Variants in DENND4C observed in about 807,000 individuals in gnomAD.
DENND4C encodes DENN domain containing 4C.
Under a neutral mutation model 203.0 loss-of-function variants are expected in DENND4C, and 108 were observed. The ratio of observed to expected loss-of-function variants is 0.53; its 90% CI spans 0.46 to 0.62. The LOEUF is 0.62. Among genes scored for constraint, DENND4C ranks in the 20% least tolerant of loss-of-function variants. The pLI is 0.00. For synonymous variants in DENND4C, 871 were observed against 792.4 expected, an observed-to-expected ratio of 1.10 and a Z score of -1.67; for missense variants, 2,481 against 2,301.2, an observed-to-expected ratio of 1.08 and a Z score of -1.60.
intron 1 of DENND4C, among the ~76,000 whole-genome samples, chr9:19,260,881 C>A (rs1193151384): frequency 6.6e-6 from 1 of 152,044 alleles, no homozygotes; most frequent in African/African-American, 2.4e-5. Flanking sequence ...TCAAGAAATC[C>A]GGTCTGGATG....
rs1297590006 is a variant in DENND4C at position 19,358,179 on chromosome 9, A to C, written c.5160+19A>C. The C allele has an allele frequency of 6.3e-7, 1 of 1,598,890 alleles. No homozygotes were observed. The highest frequency in any genetic ancestry group is 8.6e-7 in the Non-Finnish European group (1 of 1,167,606). Reference sequence around the variant, plus strand: ...AGTTGTGGTATGTAACAACAACAACATTGTAATTATACTGCATACACACCT... The same window carrying C: ...AGTTGTGGTATGTAACAACAACAACCTTGTAATTATACTGCATACACACCT... On this transcript the variant is annotated intron_variant, in intron 28 of 32. Transcript: ENST00000434457. This position sits in a 1 kb window ranked among gnomAD's most constrained non-coding sequence, Gnocchi z 4.8.
chr9:19,235,882 G>A (rs183337834), intron 1 of DENND4C, among the ~76,000 whole-genome samples: 1 of 151,944 alleles, frequency 6.6e-6, no homozygotes, highest in East Asian at 1.9e-4. Context: ...ACAGGTGTGA[G>A]CCACTGCGCC....
intron 3 of DENND4C, among the ~76,000 whole-genome samples, chr9:19,287,256 G>T (rs931923301): frequency 1.3e-5 from 2 of 152,118 alleles, no homozygotes; most frequent in Non-Finnish European, 2.9e-5. Context: ...TATTGTCTGT[G>T]TTACATTAAC....
intron 31 of DENND4C, 144 bp downstream of exon 31, chr9:19,370,131 T>C (rs1035932837): frequency 6.9e-5 from 67 of 975,320 alleles, no homozygotes; most frequent in Middle Eastern, 2.8e-4. Flanking sequence ...TACACAGATA[T>C]ATACATTCCT....
At chr9:19,323,368 T>TG (rs1843208436) in intron 12 of DENND4C, among the ~76,000 whole-genome samples, 1 of 151,382 alleles carries the variant, frequency 6.6e-6, no homozygotes, top group Non-Finnish European at 1.5e-5. Context: ...AGGCAGAGGT[T>TG]GCAGTGAGCC....
At chr9:19,259,785 G>A (rs1221478584) in intron 1 of DENND4C, among the ~76,000 whole-genome samples, 1 of 152,096 alleles carries the variant, frequency 6.6e-6, no homozygotes, top group Non-Finnish European at 1.5e-5. Context: ...GATTACAGGC[G>A]TCAGCCACCA....
chr9:19,309,805 A>G (rs1840393727), intron 10 of DENND4C, among the ~76,000 whole-genome samples: 5 of 152,020 alleles, frequency 3.3e-5, no homozygotes, highest in South Asian at 4.1e-4. Flanking sequence ...GCTTTGGTGT[A>G]TGTATACATC....
chr9:19,283,613 T>TTC (rs1554718127), intron 2 of DENND4C, among the ~76,000 whole-genome samples: 1 of 143,934 alleles, frequency 6.9e-6, no homozygotes, highest in Non-Finnish European at 1.6e-5. Flanking sequence ...TTTCTTTCTT[T>TTC]TTTTTTTTTT....
intron 22 of DENND4C, among the ~76,000 whole-genome samples, chr9:19,343,734 C>T (rs530863310): frequency 3.3e-4 from 51 of 152,338 alleles, no homozygotes; most frequent in Middle Eastern, 3.4e-3. Context: ...GAGTTTTCTT[C>T]GTCAGAGGCT....
chr9:19,346,063 T>G lies in DENND4C; in HGVS notation c.3294T>G (p.Ser1098=). The G allele has an allele frequency of 6.2e-7, 1 of 1,614,190 alleles. No individual in the cohort carries two copies. The highest frequency in any genetic ancestry group is 8.5e-7 in the Non-Finnish European group (1 of 1,180,034). Residue 1098 remains serine, a synonymous_variant, in exon 23 of 33, where the codon TCT becomes TCG. Coordinates refer to ENST00000434457, the MANE Select transcript of DENND4C (RefSeq NM_001330640.2). Reference sequence around the variant, plus strand: ...CTGAGAGGAGTTGTAGTTTTAGTTCTGAAAGTCGAGCAGGAATGTTGCTTA... The same window carrying G: ...CTGAGAGGAGTTGTAGTTTTAGTTCGGAAAGTCGAGCAGGAATGTTGCTTA... ...HFPERSCSFS[S]ESRAGMLLKK...
Position 19,328,112 on chromosome 9 carries a change from G to A in DENND4C, c.2203G>A (p.Gly735Arg). 6.2e-7 allele frequency: 1 copy of A among 1,613,588 alleles called. No individual in the cohort carries two copies. The highest frequency in any genetic ancestry group is 1.3e-5 in the African/African-American group (1 of 74,988). The change falls in exon 16 of 33, where the codon GGG becomes AGG. Residue 735 changes from glycine (G) to arginine (R), a missense_variant. Physicochemically the swap from Gly to Arg is moderately radical, Grantham distance 125 (BLOSUM62 -2). Transcript: ENST00000434457. ...LKLCFSRHPT[G>R]NSITKSPPLM... ...ACTTTGTTTTAGTAGACACCCTACT[G>A]GGAATAGCATTACAAAGAGTCCACC...
chr9:19,338,898 A>G (rs1821040685), intron 20 of DENND4C, among the ~76,000 whole-genome samples: 1 of 152,188 alleles, frequency 6.6e-6, no homozygotes, highest in Non-Finnish European at 1.5e-5. Context: ...TGCATATGTT[A>G]TTTTATGTGT....
Position 19,290,877 on chromosome 9 carries a change from G to A in DENND4C, c.801+1G>A, listed in dbSNP as rs202229530. ...CTTGACAGGTTCTTCAGCCAAAAAG[G>A]TATGTTTTTGTCTCATTGATTAAAC... On this transcript the variant is annotated splice_donor_variant, in intron 5 of 32. Coordinates refer to ENST00000434457, the MANE Select transcript of DENND4C (RefSeq NM_001330640.2). LOFTEE classifies it high-confidence loss of function. 1 of 1,611,698 alleles carries A rather than the reference G, an allele frequency of 6.2e-7. No individual in the cohort carries two copies. Among genetic ancestry groups the A allele is most frequent in the Non-Finnish European group, 8.5e-7 (1 of 1,178,854 alleles).
chr9:19,350,489 C>T (rs1457866131), intron 23 of DENND4C, among the ~76,000 whole-genome samples: 2 of 152,072 alleles, frequency 1.3e-5, no homozygotes, highest in African/African-American at 4.8e-5. Flanking sequence ...TGAGGCACAC[C>T]ACGATCTTTC....
chr9:19,290,741 ATT>A lies in DENND4C; in HGVS notation c.668_669del (p.Phe223SerfsTer19). ...FRYPEEDYES[F>X]PLSESDVPLF... Reference sequence around the variant, plus strand: ...GATATCCAGAAGAGGACTATGAGTCATTTCCACTCTCAGAATCAGATGTACCT... The same window carrying A: ...GATATCCAGAAGAGGACTATGAGTCATCCACTCTCAGAATCAGATGTACCT... On this transcript the variant is annotated frameshift_variant, in exon 5 of 33. Transcript: ENST00000434457. LOFTEE classifies it high-confidence loss of function. The A allele has an allele frequency of 6.4e-7, 1 of 1,565,556 alleles. No individual in the cohort carries two copies. The highest frequency in any genetic ancestry group is 8.7e-7 in the Non-Finnish European group (1 of 1,153,594).
chr9:19,322,581 G>GA (rs777891305), intron 12 of DENND4C, among the ~76,000 whole-genome samples: 168 of 151,662 alleles, frequency 1.1e-3, no homozygotes, highest in Non-Finnish European at 2.1e-3. Context: ...CTAACACAGT[G>GA]AAAAATTAGC....
chr9:19,370,549 T>A (rs866382000), intron 31 of DENND4C, among the ~76,000 whole-genome samples: 2 of 152,216 alleles, frequency 1.3e-5, no homozygotes, highest in Middle Eastern at 3.2e-3. Flanking sequence ...TGCTGTTTGC[T>A]GGAAACCTAT....
chr9:19,249,375 C>G (rs1031373788), intron 1 of DENND4C, among the ~76,000 whole-genome samples: 1 of 151,772 alleles, frequency 6.6e-6, no homozygotes. Flanking sequence ...GCCTCAGCCT[C>G]CCGAGTAGCT....
chr9:19,259,555 A>G (rs1258230605), intron 1 of DENND4C, among the ~76,000 whole-genome samples: 1 of 133,890 alleles, frequency 7.5e-6, no homozygotes, highest in African/African-American at 2.9e-5. Flanking sequence ...CCCAGGCTGG[A>G]GTGCAGTGGC....
Sources: allele counts gnomAD v4.1 joint callset (sites outside exome capture counted in the v4.1 genomes callset), GRCh38; gene constraint gnomAD v4.1.1; non-coding constraint Gnocchi (gnomAD v3.1); transcripts MANE v1.5; gene names NCBI Gene and HGNC (gene_info 2026-07-23, HGNC 2026-07-21).